THSD7B: variants seen among roughly 807,000 people sequenced by gnomAD.
The protein encoded by THSD7B is thrombospondin type 1 domain containing 7B.
In THSD7B, 138 loss-of-function variants were observed where a neutral mutation model predicts 213.6. The ratio of observed to expected loss-of-function variants is 0.65; its 90% CI spans 0.56 to 0.74. The LOEUF (loss-of-function observed/expected upper bound fraction) is 0.74. Ranked by LOEUF, THSD7B falls within the 30% of genes least tolerant of loss-of-function variation. THSD7B has a pLI of 0.00. For missense variants in THSD7B, 1,931 were observed against 1,991.5 expected, an observed-to-expected ratio of 0.97 and a Z score of 0.58; for synonymous variants, 742 against 687.0, an observed-to-expected ratio of 1.08 and a Z score of -1.25.
intron 1 of THSD7B, among the ~76,000 whole-genome samples, chr2:136,783,413 T>C (rs1282435643): frequency 6.6e-6 from 1 of 152,056 alleles, no homozygotes; most frequent in Non-Finnish European, 1.5e-5. Flanking sequence ...GAATTTAAGA[T>C]GGGTACTCAT....
chr2:137,581,860 G>T (rs2105246803), intron 17 of THSD7B, among the ~76,000 whole-genome samples: 1 of 151,872 alleles, frequency 6.6e-6, no homozygotes, highest in Non-Finnish European at 1.5e-5. Flanking sequence ...CATTTTGGGA[G>T]GCTGAGGCAG....
intron 2 of THSD7B, among the ~76,000 whole-genome samples, chr2:137,034,124 G>T (rs970305541): frequency 6.6e-6 from 1 of 152,124 alleles, no homozygotes; most frequent in Non-Finnish European, 1.5e-5. Context: ...CAAAGGACAT[G>T]AACTCATCCT....
At chr2:137,468,169 C>A (rs1364507735) in intron 15 of THSD7B, among the ~76,000 whole-genome samples, 2 of 152,050 alleles carry the variant, frequency 1.3e-5, no homozygotes, top group African/African-American at 4.8e-5. Context: ...AGAAGTAGAG[C>A]TGCATATTAT....
chr2:137,029,431 C>A (rs1392531298), intron 2 of THSD7B, among the ~76,000 whole-genome samples: 1 of 152,078 alleles, frequency 6.6e-6, no homozygotes, highest in East Asian at 1.9e-4. Flanking sequence ...CCCACCTTTA[C>A]CCTATTGTTT....
chr2:137,465,607 G>A (rs1023531059), intron 15 of THSD7B, among the ~76,000 whole-genome samples: 6 of 152,042 alleles, frequency 3.9e-5, no homozygotes, highest in African/African-American at 1.4e-4. Flanking sequence ...ACTAGAACAG[G>A]GGTCCTGACA....
chr2:136,765,997 G>A (rs748690100), intron 1 of THSD7B, among the ~76,000 whole-genome samples: 13 of 152,320 alleles, frequency 8.5e-5, no homozygotes, highest in Middle Eastern at 3.4e-3. Context: ...CAACGGGACC[G>A]AACCTTGGGA....
At chr2:137,394,787 C>T (rs1199287232) in intron 12 of THSD7B, among the ~76,000 whole-genome samples, 5 of 136,522 alleles carry the variant, frequency 3.7e-5, no homozygotes, top group Admixed American at 7.2e-5. Context: ...ATTCTTCCTA[C>T]CCATGAGCAT....
At chr2:137,394,008 G>T (rs1245187682) in intron 12 of THSD7B, among the ~76,000 whole-genome samples, 1 of 133,754 alleles carries the variant, frequency 7.5e-6, no homozygotes, top group Non-Finnish European at 1.6e-5. Context: ...TGATGGGGTT[G>T]TTTGTTTTTT....
intron 13 of THSD7B, among the ~76,000 whole-genome samples, chr2:137,409,497 G>C (rs1686600784): frequency 6.6e-6 from 1 of 152,168 alleles, no homozygotes; most frequent in Non-Finnish European, 1.5e-5. Flanking sequence ...GAATGGGTGT[G>C]ATTGGTTCTT....
rs190974041 is a variant in THSD7B, at chr2:136,985,426, G to A, written c.140-70994G>A. Reference sequence around the variant, plus strand: ...TCTAGCCCCTGCCACAGCTGAAAGGGCCCCAGATACTACTTAGGCCACTGC... The same window carrying A: ...TCTAGCCCCTGCCACAGCTGAAAGGACCCCAGATACTACTTAGGCCACTGC... On this transcript the variant is annotated intron_variant, in intron 2 of 27. Coordinates refer to ENST00000409968, the MANE Select transcript of THSD7B (RefSeq NM_001316349.2). Among the ~76,000 whole-genome samples, 8 of 152,306 alleles carry A rather than the reference G, an allele frequency of 5.3e-5. No individual in the cohort carries two copies. The East Asian group carries it at 1.4e-3, about 26-fold the overall frequency.
intron 12 of THSD7B, among the ~76,000 whole-genome samples, chr2:137,310,732 G>C (rs1683880000): frequency 6.6e-6 from 1 of 151,998 alleles, no homozygotes; most frequent in Non-Finnish European, 1.5e-5. Flanking sequence ...TGGCTAGCCA[G>C]TTTTCCCAGC....
chr2:137,574,501 A>G (rs1027273527), intron 17 of THSD7B, among the ~76,000 whole-genome samples: 2 of 152,074 alleles, frequency 1.3e-5, no homozygotes, highest in African/African-American at 4.8e-5. Context: ...TATTGAGCAT[A>G]TCTTATATAA....
chr2:137,538,449 T>G (rs570934202), intron 15 of THSD7B: 4 of 505,232 alleles, frequency 7.9e-6, no homozygotes, highest in South Asian at 5.9e-5. Flanking sequence ...TTTCTTTCCC[T>G]TTTGCTTATC....
chr2:137,124,557 C>T (rs1688600174), intron 5 of THSD7B, among the ~76,000 whole-genome samples: 1 of 152,032 alleles, frequency 6.6e-6, no homozygotes, highest in Non-Finnish European at 1.5e-5. Context: ...TCCTCAAGCA[C>T]ACAGGGGAAA....
intron 12 of THSD7B, among the ~76,000 whole-genome samples, chr2:137,314,732 A>C (rs1684037884): frequency 6.6e-6 from 1 of 151,680 alleles, no homozygotes. Context: ...AACAGACAGG[A>C]CCCTCAGCTG....
intron 2 of THSD7B, among the ~76,000 whole-genome samples, chr2:136,980,350 A>G (rs906646311): frequency 1.3e-5 from 2 of 152,130 alleles, no homozygotes; most frequent in Non-Finnish European, 2.9e-5. Context: ...GGTGGGAAAA[A>G]TTAAGTCCAT....
intron 2 of THSD7B, among the ~76,000 whole-genome samples, chr2:136,997,562 A>T (rs1324664234): frequency 6.6e-6 from 1 of 152,210 alleles, no homozygotes; most frequent in Non-Finnish European, 1.5e-5. Context: ...AAAGCGGGGC[A>T]TAAGTGCCAC....
At chr2:137,365,981 G>C (rs889121543) in intron 12 of THSD7B, among the ~76,000 whole-genome samples, 2 of 152,124 alleles carry the variant, frequency 1.3e-5, no homozygotes, top group Admixed American at 6.5e-5. Context: ...GCAAAGACTT[G>C]GAACCAACCC....
At chr2:136,847,979 T>C (rs1416105695) in intron 1 of THSD7B, among the ~76,000 whole-genome samples, 4 of 152,266 alleles carry the variant, frequency 2.6e-5, no homozygotes, top group African/African-American at 9.6e-5. Flanking sequence ...CACACCATAC[T>C]GGGTTGTCTC....
Sources: gnomAD v4.1 joint callset for allele counts (sites outside exome capture counted in the v4.1 genomes callset) on GRCh38, gnomAD v4.1.1 for gene constraint, MANE v1.5 for transcripts, NCBI Gene and HGNC (gene_info 2026-07-23, HGNC 2026-07-21) for gene names.